KRIT1: variants seen among roughly 807,000 people sequenced by gnomAD.
KRIT1 encodes the protein KRIT1 ankyrin repeat containing.
In KRIT1, 45 loss-of-function variants were observed where a neutral mutation model predicts 95.8. The ratio of observed to expected loss-of-function variants is 0.47; its 90% CI spans 0.37 to 0.60. The LOEUF (loss-of-function observed/expected upper bound fraction) is 0.60. Among genes scored for constraint, KRIT1 ranks in the 20% least tolerant of loss-of-function variants. KRIT1 has a pLI of 0.00. For synonymous variants in KRIT1, 282 were observed against 278.8 expected (o/e 1.01, Z -0.11); for missense variants, 788 against 877.5 (o/e 0.90, Z 1.29).
rs146449386 is a variant in KRIT1, at chr7:92,242,441, C to T, written c.-2-304G>A. ...TATACATTTTCATAGGTGTTAACTGCATAGTAAGAATCTGCCTTTGGGGCC... is the reference window on the plus strand; with the variant it reads ...TATACATTTTCATAGGTGTTAACTGTATAGTAAGAATCTGCCTTTGGGGCC... On this transcript the variant is annotated intron_variant, in intron 3 of 18. Transcript: ENST00000394505. Among the ~76,000 whole-genome samples, 437 of 152,076 alleles carry T rather than the reference C, an allele frequency of 2.9e-3. 2 individuals are homozygous for T. Among genetic ancestry groups the T allele is most frequent in the African/African-American group, 9.9e-3 (412 of 41,452 alleles).
chr7:92,233,777 G>A (rs1445619703), intron 10 of KRIT1, among the ~76,000 whole-genome samples: 1 of 152,088 alleles, frequency 6.6e-6, no homozygotes, highest in Non-Finnish European at 1.5e-5. Flanking sequence ...CAGAAATAAT[G>A]TAAAAAACTT....
At chr7:92,242,338 T>C (rs1442188344) in intron 3 of KRIT1, among the ~76,000 whole-genome samples, 2 of 152,256 alleles carry the variant, frequency 1.3e-5, no homozygotes, top group African/African-American at 2.4e-5. Flanking sequence ...GACTGCATCT[T>C]TACTGTTCAA....
chr7:92,235,725 A>G, intron 7 of KRIT1, 79 bp from the exon 8 acceptor site: 1 of 1,316,792 alleles, frequency 7.6e-7, no homozygotes, highest in South Asian at 1.2e-5. Context: ...TAACTCTGAT[A>G]TATGACACTT....
intron 17 of KRIT1, among the ~76,000 whole-genome samples, chr7:92,209,595 A>C (rs1412265983): frequency 6.6e-6 from 1 of 152,224 alleles, no homozygotes; most frequent in Non-Finnish European, 1.5e-5. Context: ...TCAAGAAAGC[A>C]ATCTCATTTA....
At chr7:92,206,079 T>C (rs1791421491) in intron 17 of KRIT1, 1 of 152,802 alleles carries the variant, frequency 6.5e-6, no homozygotes, top group Non-Finnish European at 1.5e-5. Flanking sequence ...CAGCACACAT[T>C]ATCTAGGGTC....
At chr7:92,227,036 T>C (rs1796341245) in intron 10 of KRIT1, among the ~76,000 whole-genome samples, 1 of 152,180 alleles carries the variant, frequency 6.6e-6, no homozygotes, top group Non-Finnish European at 1.5e-5. Flanking sequence ...GTAACTCATA[T>C]AAGAAAACTT....
At chr7:92,219,565 T>C (rs1248645791) in intron 14 of KRIT1, among the ~76,000 whole-genome samples, 4 of 152,194 alleles carry the variant, frequency 2.6e-5, no homozygotes, top group South Asian at 2.1e-4. Context: ...TGCTTTGAAA[T>C]TGAGTAATGT....
In KRIT1 at chr7:92,227,279, C is replaced by T. The variant is rs1459434039; in HGVS notation, c.990-597G>A. Among the ~76,000 whole-genome samples the T allele has an allele frequency of 2.0e-5, 3 of 152,112 alleles. No individual in the cohort carries two copies. In the East Asian group the frequency reaches 5.8e-4, roughly 29 times the overall value. ...TGTTTGTCCATGCTTTAAAAAATAT[C>T]AGAGGCTGGGCGCAGTGACTCACAC... On this transcript the variant is annotated intron_variant, in intron 10 of 18. Transcript: ENST00000394505.
chr7:92,243,337 T>C (rs1800108411), intron 3 of KRIT1, among the ~76,000 whole-genome samples: 1 of 152,230 alleles, frequency 6.6e-6, no homozygotes, highest in Admixed American at 6.5e-5. Flanking sequence ...GATTATTTTT[T>C]ATCTTTTTTT....
At chr7:92,230,805 G>A (rs1011509510) in intron 10 of KRIT1, among the ~76,000 whole-genome samples, 4 of 152,136 alleles carry the variant, frequency 2.6e-5, no homozygotes, top group Non-Finnish European at 5.9e-5. Context: ...CATTTCTGAC[G>A]CCTTAAATTT....
intron 10 of KRIT1, among the ~76,000 whole-genome samples, chr7:92,230,293 G>A (rs1445328213): frequency 2.0e-5 from 3 of 152,078 alleles, no homozygotes; most frequent in Non-Finnish European, 4.4e-5. Context: ...CTGAATCTTA[G>A]TAGTACTACT....
chr7:92,219,001 T>A (rs946602547), intron 14 of KRIT1, among the ~76,000 whole-genome samples: 34 of 152,132 alleles, frequency 2.2e-4, no homozygotes, highest in African/African-American at 7.7e-4. Flanking sequence ...GCATTTTATT[T>A]TTATTATTAT....
chr7:92,240,239 A>T (rs79370171), intron 5 of KRIT1, among the ~76,000 whole-genome samples: 103 of 152,318 alleles, frequency 6.8e-4, no homozygotes, highest in African/African-American at 2.3e-3. Flanking sequence ...GTATCTCTGC[A>T]ACAAAAACCA....
At chr7:92,231,785 T>G (rs1428861920) in intron 10 of KRIT1, among the ~76,000 whole-genome samples, 1 of 152,242 alleles carries the variant, frequency 6.6e-6, no homozygotes, top group Non-Finnish European at 1.5e-5. Flanking sequence ...TAAACTTGAT[T>G]ATCAAGCTGA....
chr7:92,223,668 G>T (rs912560541), intron 12 of KRIT1, among the ~76,000 whole-genome samples: 1 of 152,004 alleles, frequency 6.6e-6, no homozygotes, highest in African/African-American at 2.4e-5. Context: ...AGTACTTCAC[G>T]AGTCTAGTGG....
chr7:92,223,317 C>T (rs1195139953), intron 12 of KRIT1, among the ~76,000 whole-genome samples: 1 of 148,706 alleles, frequency 6.7e-6, no homozygotes, highest in Non-Finnish European at 1.5e-5. Context: ...TGGTGGCAGG[C>T]ACCTGTAGTC....
chr7:92,210,701 A>T (rs982230679), intron 17 of KRIT1, among the ~76,000 whole-genome samples: 1 of 152,226 alleles, frequency 6.6e-6, no homozygotes, highest in Non-Finnish European at 1.5e-5. Flanking sequence ...TTAAACTATT[A>T]AGCTTCTGCA....
chr7:92,212,131 T>A (rs1478436360), intron 17 of KRIT1, among the ~76,000 whole-genome samples: 1 of 151,906 alleles, frequency 6.6e-6, no homozygotes, highest in Non-Finnish European at 1.5e-5. Flanking sequence ...AATAAAAAAA[T>A]GTTTAAATGT....
In KRIT1 at chr7:92,236,539, T is replaced by A; in HGVS notation, c.359A>T (p.Asn120Ile). Reference sequence around the variant, plus strand: ...TCCTGGGGTATATGTGTATTTAGTATTATCTGAAAAAGAAAAATGAAGAAT... The same window carrying A: ...TCCTGGGGTATATGTGTATTTAGTAATATCTGAAAAAGAAAAATGAAGAAT... The part of the protein sequence containing the change: ...LFIVPSVVKD[N>I]TKYTYTPGCP... Residue 120 changes from asparagine to isoleucine, a missense_variant, in exon 7 of 19, where the codon AAT becomes ATT. Transcript: ENST00000394505. The A allele has an allele frequency of 6.5e-7, 1 of 1,533,488 alleles. No individual in the cohort carries two copies. The highest frequency in any genetic ancestry group is 9.0e-7 in the Non-Finnish European group (1 of 1,107,720). 95.0% of individuals were successfully genotyped at this position (1,533,488 alleles called of 1,614,324 possible). A position where few individuals can be genotyped will look rare whatever the true frequency, so the allele number is the denominator to read the frequency against.
Sources: gnomAD v4.1 joint callset for allele counts (sites outside exome capture counted in the v4.1 genomes callset) on GRCh38, gnomAD v4.1.1 for gene constraint, MANE v1.5 for transcripts, NCBI Gene and HGNC (gene_info 2026-07-23, HGNC 2026-07-21) for gene names.